The following RAPGEF4 variants were observed in gnomAD, a reference collection of about 807,000 sequenced individuals.
RAPGEF4 encodes the protein RAP guanine-nucleotide-exchange factor (GEF) 4.
A neutral mutation model predicts 147.9 loss-of-function variants in RAPGEF4; 66 were observed. That is an observed-to-expected ratio of 0.45 (90% CI 0.37 to 0.55). The LOEUF (loss-of-function observed/expected upper bound fraction) is 0.55, where lower values mean the gene tolerates loss of function less well. Among genes scored for constraint, RAPGEF4 ranks in the 20% least tolerant of loss-of-function variants. The pLI, the probability that RAPGEF4 is intolerant of heterozygous loss-of-function variation, is 0.00. For missense variants in RAPGEF4, 1,071 were observed against 1,257.3 expected (o/e 0.85, Z 2.24); for synonymous variants, 419 against 442.7 (o/e 0.95, Z 0.67).
chr2:172,754,705 G>A (rs966596080), intron 1 of RAPGEF4, among the ~76,000 whole-genome samples: 5 of 152,030 alleles, frequency 3.3e-5, no homozygotes, highest in Non-Finnish European at 7.4e-5. Flanking sequence ...AGGAAAAAAG[G>A]GCTTATGAGA....
Position 172,990,882 on chromosome 2 carries a change from G to A in RAPGEF4, c.1447G>A (p.Gly483Arg). 1 of 1,614,056 alleles carries A rather than the reference G, an allele frequency of 6.2e-7. No individual in the cohort carries two copies. Among genetic ancestry groups the A allele is most frequent in the Non-Finnish European group, 8.5e-7 (1 of 1,179,962 alleles). Residue 483 changes from glycine to arginine, a missense_variant, in exon 15 of 31, where the codon GGG becomes AGG. Transcript: ENST00000397081. Reference protein sequence around the residue: ...DVLVLEKVPAGNRASNQGNSQ... With the variant: ...DVLVLEKVPARNRASNQGNSQ... ...CTTGGTGCTGGAGAAGGTCCCAGCA[G>A]GGAACAGAGCTTCTAATCAAGGAAA...
At chr2:172,951,375 T>G (rs1280768612) in intron 6 of RAPGEF4, among the ~76,000 whole-genome samples, 3 of 152,246 alleles carry the variant, frequency 2.0e-5, no homozygotes, top group Non-Finnish European at 4.4e-5. Context: ...ATTCTTCCAT[T>G]CATTCAATAA....
At chr2:172,753,889 C>CAT (rs1695527173) in intron 1 of RAPGEF4, among the ~76,000 whole-genome samples, 1 of 151,654 alleles carries the variant, frequency 6.6e-6, no homozygotes, top group Non-Finnish European at 1.5e-5. Flanking sequence ...CACACACACA[C>CAT]ACACACACAC....
chr2:172,910,748 T>C lies in RAPGEF4; in HGVS notation c.445-7054T>C, dbSNP rs1190596596. On this transcript the variant is annotated intron_variant, in intron 4 of 30. Transcript: ENST00000397081. ...TTCTCACAGTGTGGCAGATGGCTGC[T>C]GAGAGGCAGCACCCCAGGAGAGAGC... Among the ~76,000 whole-genome samples, 3 of 152,206 alleles carry C rather than the reference T, an allele frequency of 2.0e-5. No individual in the cohort carries two copies. In the East Asian group the frequency reaches 5.8e-4, roughly 29 times the overall value.
rs145017205 is a variant in RAPGEF4 at position 172,949,856 on chromosome 2, G to C, written c.538-10904G>C. 4.4e-3 allele frequency among the ~76,000 whole-genome samples: 668 copies of C among 152,266 alleles called. 15 individuals carry two copies. The East Asian group carries it at 0.084, about 19-fold the overall frequency. Reference sequence around the variant, plus strand: ...AAATCATTATATGTTATTATTTATAGGGTGTTATTGTAAGTTTGTTACTGT... The same window carrying C: ...AAATCATTATATGTTATTATTTATACGGTGTTATTGTAAGTTTGTTACTGT... On this transcript the variant is annotated intron_variant, in intron 6 of 30. Coordinates refer to ENST00000397081, the MANE Select transcript of RAPGEF4 (RefSeq NM_007023.4).
intron 6 of RAPGEF4, among the ~76,000 whole-genome samples, chr2:172,931,311 T>C (rs1444751735): frequency 6.6e-6 from 1 of 152,058 alleles, no homozygotes; most frequent in African/African-American, 2.4e-5. Context: ...CCTGTTTCTA[T>C]AGCCTCAGTC....
chr2:172,872,735 A>G (rs534144296), intron 4 of RAPGEF4, among the ~76,000 whole-genome samples: 55 of 152,072 alleles, frequency 3.6e-4, no homozygotes, highest in African/African-American at 1.3e-3. Flanking sequence ...CTTGATTGTA[A>G]GTTTCCCAAG....
At chr2:172,876,713 G>T (rs1376900160) in intron 4 of RAPGEF4, among the ~76,000 whole-genome samples, 1 of 152,072 alleles carries the variant, frequency 6.6e-6, no homozygotes, top group East Asian at 1.9e-4. Flanking sequence ...AAATTCTCTT[G>T]TTTTGTTGTG....
chr2:172,858,372 A>T (rs1388311023), intron 4 of RAPGEF4, among the ~76,000 whole-genome samples: 2 of 152,274 alleles, frequency 1.3e-5, no homozygotes, highest in African/African-American at 4.8e-5. Context: ...AATCTTGTTC[A>T]TGTATGTTAC....
chr2:172,978,386 G>A (rs1691320995), intron 10 of RAPGEF4, among the ~76,000 whole-genome samples: 1 of 152,200 alleles, frequency 6.6e-6, no homozygotes, highest in Non-Finnish European at 1.5e-5. Flanking sequence ...CTTCCTGGGA[G>A]AGCTGCCTTC....
intron 19 of RAPGEF4, 74 bp downstream of exon 19, chr2:173,016,511 G>T (rs1695524027): frequency 8.0e-7 from 1 of 1,251,722 alleles, no homozygotes; most frequent in Non-Finnish European, 1.2e-6. Context: ...CACAAGAAAG[G>T]TTAAAGCTGG....
At chr2:172,799,763 G>A (rs1052471243) in intron 3 of RAPGEF4, among the ~76,000 whole-genome samples, 2 of 152,150 alleles carry the variant, frequency 1.3e-5, no homozygotes, top group African/African-American at 2.4e-5. Flanking sequence ...AAAGAAAGAA[G>A]AGGAAATCTC....
intron 4 of RAPGEF4, among the ~76,000 whole-genome samples, chr2:172,865,366 A>C (rs1005900288): frequency 1.3e-5 from 2 of 152,154 alleles, no homozygotes; most frequent in African/African-American, 4.8e-5. Context: ...GCGTAGTCCA[A>C]ATAAAACCAA....
chr2:172,828,226 A>C (rs1483546828), intron 4 of RAPGEF4, among the ~76,000 whole-genome samples: 1 of 152,186 alleles, frequency 6.6e-6, no homozygotes, highest in Non-Finnish European at 1.5e-5. Flanking sequence ...ATTGCCAAGG[A>C]GAGTGAAAAG....
At chr2:172,871,985 C>T (rs1461917471) in intron 4 of RAPGEF4, among the ~76,000 whole-genome samples, 1 of 152,110 alleles carries the variant, frequency 6.6e-6, no homozygotes, top group African/African-American at 2.4e-5. Flanking sequence ...GTCCAGAATC[C>T]TTCCCATGAT....
At chr2:172,976,203 G>A (rs1200126793) in intron 10 of RAPGEF4, among the ~76,000 whole-genome samples, 3 of 152,220 alleles carry the variant, frequency 2.0e-5, no homozygotes, top group Admixed American at 6.5e-5. Flanking sequence ...TTAAAGATAA[G>A]GTGAGGGGGT....
chr2:172,787,930 C>T (rs1279462160), intron 1 of RAPGEF4, among the ~76,000 whole-genome samples: 4 of 152,168 alleles, frequency 2.6e-5, no homozygotes, highest in East Asian at 1.9e-4. Context: ...TAACAAAGTA[C>T]GTTAGACTAG....
chr2:172,828,644 C>G (rs534056571), intron 4 of RAPGEF4, among the ~76,000 whole-genome samples: 11 of 152,226 alleles, frequency 7.2e-5, no homozygotes, highest in African/African-American at 2.6e-4. Context: ...GTAGCAGACT[C>G]CAACTTCAGG....
At position 173,036,711 on chromosome 2, in the gene RAPGEF4, C is replaced by T. The variant is rs767070302; in HGVS notation, c.2853+19C>T. ...AAAAATGGTATGTGCAGTATTATAA[C>T]CTTAACCACAATGTGTTTTTAAAAT... On this transcript the variant is annotated intron_variant, in intron 29 of 30. Transcript: ENST00000397081. The T allele has an allele frequency of 2.0e-6, 3 of 1,537,024 alleles. No individual in the cohort carries two copies. The highest frequency in any genetic ancestry group is 2.7e-6 in the Non-Finnish European group (3 of 1,125,436).
Sources: gnomAD v4.1 joint callset for allele counts (sites outside exome capture counted in the v4.1 genomes callset) on GRCh38, gnomAD v4.1.1 for gene constraint, MANE v1.5 for transcripts, NCBI Gene and HGNC (gene_info 2026-07-23, HGNC 2026-07-21) for gene names.